USP3: variants seen among roughly 807,000 people sequenced by gnomAD.
The protein encoded by USP3 is ubiquitin specific peptidase 3.
A neutral mutation model predicts 72.3 loss-of-function variants in USP3; 20 were observed. That is an observed-to-expected ratio of 0.28 (90% CI 0.19 to 0.40). The LOEUF is 0.40. Ranked by LOEUF, USP3 falls within the 10% of genes least tolerant of loss-of-function variation. USP3 has a pLI of 1.00. For synonymous variants in USP3, 222 were observed against 225.3 expected (o/e 0.99, Z 0.13); for missense variants, 479 against 633.9 (o/e 0.76, Z 2.62).
intron 7 of USP3, 45 bp from the exon 8 acceptor site, chr15:63,562,850 T>C: frequency 7.7e-7 from 1 of 1,293,882 alleles, no homozygotes; most frequent in African/African-American, 1.5e-5. Flanking sequence ...GTTGAAATTG[T>C]AGCCTCTCAC....
chr15:63,579,805 A>G (rs1172007425), intron 11 of USP3, among the ~76,000 whole-genome samples: 1 of 152,190 alleles, frequency 6.6e-6, no homozygotes, highest in African/African-American at 2.4e-5. Context: ...TGAGTAAGAT[A>G]TAAATGATCA....
At chr15:63,530,272 TCCC>T in intron 1 of USP3, among the ~76,000 whole-genome samples, 1 of 20,370 alleles carries the variant, frequency 4.9e-5, no homozygotes, top group African/African-American at 6.1e-4. Flanking sequence ...CCTCCCTGCC[TCCC>T]TCCCTCCCTC....
At chr15:63,530,681 G>A (rs964818031) in intron 1 of USP3, 1 of 384,836 alleles carries the variant, frequency 2.6e-6, no homozygotes, top group Non-Finnish European at 5.0e-6. Flanking sequence ...TAATATCTCA[G>A]TACTCCAAAT....
At chr15:63,584,092 G>GTT (rs61574200) in intron 11 of USP3, among the ~76,000 whole-genome samples, 513 of 85,516 alleles carry the variant, frequency 6.0e-3, no homozygotes, top group East Asian at 0.016. Flanking sequence ...CAACGGTTTT[G>GTT]TTTTTTTTTT....
At chr15:63,559,687 A>C (rs1164451447) in intron 6 of USP3, among the ~76,000 whole-genome samples, 170 bp from the exon 7 acceptor site, 1 of 151,100 alleles carries the variant, frequency 6.6e-6, no homozygotes, top group Non-Finnish European at 1.5e-5. Flanking sequence ...TTTCTTAGAG[A>C]GAAGGAAAAA....
intron 1 of USP3, chr15:63,527,916 A>G (rs1462992225): frequency 6.6e-6 from 1 of 152,228 alleles, no homozygotes; most frequent in Non-Finnish European, 1.5e-5. Context: ...AGTCTGAGAC[A>G]TGTTTTAGAG....
chr15:63,563,012 A>C lies in USP3; in HGVS notation c.761+4A>C. On this transcript the variant is annotated splice_donor_region_variant and intron_variant, in intron 8 of 14. Transcript: ENST00000380324. Reference sequence around the variant, plus strand: ...GGAAGATTATGCCAAACTTTAGGTAAGTATTATATGAAGATATTTTTAAAC... The same window carrying C: ...GGAAGATTATGCCAAACTTTAGGTACGTATTATATGAAGATATTTTTAAAC... 6.3e-7 allele frequency: 1 copy of C among 1,583,794 alleles called. No individual in the cohort carries two copies. Among genetic ancestry groups the C allele is most frequent in the African/African-American group, 1.4e-5 (1 of 74,010 alleles).
chr15:63,514,694 T>TAACACAAGTA (rs1480038364), intron 1 of USP3, among the ~76,000 whole-genome samples: 4 of 152,190 alleles, frequency 2.6e-5, no homozygotes, highest in Non-Finnish European at 5.9e-5. Context: ...CTAAACCTCT[T>TAACACAAGTA]AATTATTTTA....
chr15:63,576,842 C>T (rs985822913), intron 11 of USP3, among the ~76,000 whole-genome samples: 2 of 152,180 alleles, frequency 1.3e-5, no homozygotes, highest in African/African-American at 4.8e-5. Context: ...TTGTTGACCA[C>T]CCTTATCATT....
intron 1 of USP3, among the ~76,000 whole-genome samples, chr15:63,522,060 G>A (rs2065927420): frequency 6.6e-6 from 1 of 152,208 alleles, no homozygotes; most frequent in Admixed American, 6.5e-5. Context: ...TCCCGTTGTA[G>A]AGGCGAGGTC....
chr15:63,517,593 A>G (rs1275957246), intron 1 of USP3, among the ~76,000 whole-genome samples: 1 of 152,148 alleles, frequency 6.6e-6, no homozygotes, highest in Admixed American at 6.5e-5. Flanking sequence ...AGTCACCTTC[A>G]TTGGAGGAAG....
intron 11 of USP3, among the ~76,000 whole-genome samples, chr15:63,578,536 C>T (rs936909022): frequency 4.0e-5 from 6 of 149,374 alleles, no homozygotes; most frequent in African/African-American, 1.2e-4. Flanking sequence ...GGTGTGAACC[C>T]GGGAGGCAGA....
Position 63,588,782 on chromosome 15 carries a change from G to C in USP3, c.1296G>C (p.Leu432=). Reference sequence around the variant, plus strand: ...TTGATACATACGTAGAATTTCCACTGAGAGGCCTAGACATGAAATGCTACT... The same window carrying C: ...TTGATACATACGTAGAATTTCCACTCAGAGGCCTAGACATGAAATGCTACT... ...NKVDTYVEFP[L]RGLDMKCYLL... Residue 432 remains leucine, a synonymous_variant, in exon 13 of 15, where the codon CTG becomes CTC. Coordinates refer to ENST00000380324, the MANE Select transcript of USP3 (RefSeq NM_006537.4). The surrounding 1 kb of genome is among the most constrained non-coding windows in gnomAD (Gnocchi z 4.6). 3 of 1,614,150 alleles carry C rather than the reference G, an allele frequency of 1.9e-6. No homozygotes were observed. The highest frequency in any genetic ancestry group is 1.7e-6 in the Non-Finnish European group (2 of 1,179,988).
In USP3 at chr15:63,511,697, C is replaced by A. The variant is rs1011188100; in HGVS notation, c.91+6867C>A. ...TTTCAGTTATTGAAGTCTCTCCACC[C>A]CCCTTATTTTTTCATTTTGTTTCTG... On this transcript the variant is annotated intron_variant, in intron 1 of 14. Transcript: ENST00000380324. 2.6e-5 allele frequency among the ~76,000 whole-genome samples: 4 copies of A among 152,234 alleles called. No homozygotes were observed. In the East Asian group the frequency reaches 7.7e-4, roughly 29 times the overall value.
intron 4 of USP3, 175 bp from the exon 5 acceptor site, chr15:63,556,492 G>A (rs994987371): frequency 4.3e-6 from 2 of 469,720 alleles, no homozygotes; most frequent in African/African-American, 4.0e-5. Flanking sequence ...GGATTTCCAA[G>A]GAAGTAGAGC....
intron 11 of USP3, among the ~76,000 whole-genome samples, chr15:63,575,847 G>C (rs1450342313): frequency 6.6e-6 from 1 of 152,106 alleles, no homozygotes; most frequent in Non-Finnish European, 1.5e-5. Flanking sequence ...ATTTACAGTG[G>C]AAGTCAGTGA....
At chr15:63,511,211 A>T (rs770775506) in intron 1 of USP3, among the ~76,000 whole-genome samples, 3 of 139,540 alleles carry the variant, frequency 2.1e-5, no homozygotes, top group Non-Finnish European at 4.6e-5. Flanking sequence ...GGAGTATTAA[A>T]GATAGCCCAA....
rs978283830 is a variant in USP3 at position 63,544,186 on chromosome 15, A to G, written c.284+7030A>G. On this transcript the variant is annotated intron_variant, in intron 3 of 14. Transcript: ENST00000380324. The surrounding 1 kb of genome is among the most constrained non-coding windows in gnomAD (Gnocchi z 4.2). ...TAATATATAATTTAGATTTAATTGTATATATAATTTATTAATACAAATATA... is the reference window on the plus strand; with the variant it reads ...TAATATATAATTTAGATTTAATTGTGTATATAATTTATTAATACAAATATA... The G allele has an allele frequency of 6.7e-6, 1 of 148,908 alleles. No homozygotes were observed. Among genetic ancestry groups the G allele is most frequent in the African/African-American group, 2.4e-5 (1 of 40,944 alleles). The allele number at this position is 148,908 out of a possible 1,614,324, so 9.2% of individuals were successfully genotyped here.
chr15:63,569,176 G>T (rs1359325550), intron 8 of USP3, among the ~76,000 whole-genome samples: 1 of 152,144 alleles, frequency 6.6e-6, no homozygotes, highest in African/African-American at 2.4e-5. Context: ...TTTGAGTCAT[G>T]AAAATAATGG....
Sources: allele counts gnomAD v4.1 joint callset (sites outside exome capture counted in the v4.1 genomes callset), GRCh38; gene constraint gnomAD v4.1.1; non-coding constraint Gnocchi (gnomAD v3.1); transcripts MANE v1.5; gene names NCBI Gene and HGNC (gene_info 2026-07-23, HGNC 2026-07-21).